LPP: variants seen among roughly 807,000 people sequenced by gnomAD.
LPP encodes the protein LIM domain containing preferred translocation partner in lipoma, also known as lipoma-preferred partner.
A neutral mutation model predicts 60.4 loss-of-function variants in LPP; 38 were observed. That is an observed-to-expected ratio of 0.63 (90% CI 0.49 to 0.83). The LOEUF (loss-of-function observed/expected upper bound fraction) is 0.83, where lower values mean the gene tolerates loss of function less well. Ranked by LOEUF, LPP falls within the 40% of genes least tolerant of loss-of-function variation. The probability of loss-of-function intolerance (pLI) is 0.00; values close to 1 mark genes in which losing one functional copy is unlikely to be tolerated. For missense variants in LPP, 902 were observed against 783.6 expected (o/e 1.15, Z -1.80); for synonymous variants, 328 against 290.8 (o/e 1.13, Z -1.30).
At chr3:188,533,500 G>C (rs1403199166) in intron 6 of LPP, among the ~76,000 whole-genome samples, 1 of 152,140 alleles carries the variant, frequency 6.6e-6, no homozygotes. Context: ...TATTCTCTTA[G>C]GAAAAATTTA....
intron 1 of LPP, among the ~76,000 whole-genome samples, chr3:188,167,893 G>T (rs975423288): frequency 7.9e-5 from 12 of 152,070 alleles, no homozygotes; most frequent in Non-Finnish European, 1.6e-4. Context: ...ACTTGCATTT[G>T]TCTTTGCTAA....
intron 7 of LPP, among the ~76,000 whole-genome samples, chr3:188,683,245 T>C (rs780861898): frequency 1.3e-5 from 2 of 151,926 alleles, no homozygotes; most frequent in Non-Finnish European, 2.9e-5. Flanking sequence ...TTCTCAAGTT[T>C]AGTTCTCTGA....
At chr3:188,210,664 G>T (rs1248066548) in intron 1 of LPP, among the ~76,000 whole-genome samples, 1 of 152,152 alleles carries the variant, frequency 6.6e-6, no homozygotes, top group Non-Finnish European at 1.5e-5. Flanking sequence ...AAGATGGAGG[G>T]TACGTTTAAA....
rs536843622 is a variant in LPP, at chr3:188,543,028, TCTGA to T, written c.429+18245_429+18248del. ...GATACTTTTCTTTTCATGCCTCAGG[TCTGA>T]CTGCTCTTTGCAATTCAGCCTGTTG... On this transcript the variant is annotated intron_variant, in intron 6 of 11. Transcript: ENST00000617246. Among the ~76,000 whole-genome samples, 234 of 152,318 alleles carry T rather than the reference TCTGA, an allele frequency of 1.5e-3. 11 individuals are homozygous for T. In the South Asian group the frequency reaches 0.048, roughly 31 times the overall value.
Position 188,390,569 on chromosome 3 carries a change from C to T in LPP, c.-9-15543C>T, listed in dbSNP as rs374310045. Reference sequence around the variant, plus strand: ...CCTGGAAGGCCCTGGCCTGCAGCCACTGCTGGACCGGGTGCCAGAACTGGG... The same window carrying T: ...CCTGGAAGGCCCTGGCCTGCAGCCATTGCTGGACCGGGTGCCAGAACTGGG... On this transcript the variant is annotated intron_variant, in intron 3 of 11. Coordinates refer to ENST00000617246, the MANE Select transcript of LPP (RefSeq NM_001375462.1). Among the ~76,000 whole-genome samples, 13 of 151,500 alleles carry T rather than the reference C, an allele frequency of 8.6e-5. No homozygotes were observed. The South Asian group carries it at 2.7e-3, about 32-fold the overall frequency.
At chr3:188,290,134 G>T (rs561379346) in intron 2 of LPP, among the ~76,000 whole-genome samples, 2 of 151,964 alleles carry the variant, frequency 1.3e-5, no homozygotes, top group Non-Finnish European at 2.9e-5. Flanking sequence ...CACCATGCCC[G>T]ACTAATTTAT....
At chr3:188,767,740 G>T (rs1284312587) in intron 9 of LPP, among the ~76,000 whole-genome samples, 1 of 152,128 alleles carries the variant, frequency 6.6e-6, no homozygotes, top group Non-Finnish European at 1.5e-5. Flanking sequence ...AAGTAGTGAT[G>T]ATGCTAACAC....
At chr3:188,585,964 A>G (rs745418021) in intron 6 of LPP, among the ~76,000 whole-genome samples, 2 of 152,212 alleles carry the variant, frequency 1.3e-5, no homozygotes, top group Non-Finnish European at 2.9e-5. Flanking sequence ...ATTTTGTAAT[A>G]AAAGATGGCA....
chr3:188,240,388 A>G, intron 2 of LPP, among the ~76,000 whole-genome samples: 1 of 151,176 alleles, frequency 6.6e-6, no homozygotes, highest in African/African-American at 2.4e-5. Flanking sequence ...AGAGAGAGAC[A>G]GAGAGAGAAA....
At chr3:188,165,644 C>A (rs754859968) in intron 1 of LPP, among the ~76,000 whole-genome samples, 17 of 152,100 alleles carry the variant, frequency 1.1e-4, no homozygotes, top group Non-Finnish European at 2.1e-4. Flanking sequence ...AAATAATCAG[C>A]TATAGTGTGC....
intron 6 of LPP, among the ~76,000 whole-genome samples, chr3:188,593,305 C>T (rs984755387): frequency 1.3e-5 from 2 of 150,058 alleles, no homozygotes; most frequent in African/African-American, 4.9e-5. Flanking sequence ...TTCACTCTTG[C>T]TCTCTCTCTC....
chr3:188,563,628 C>T (rs993369396), intron 6 of LPP, among the ~76,000 whole-genome samples: 2 of 151,522 alleles, frequency 1.3e-5, no homozygotes, highest in Admixed American at 1.3e-4. Flanking sequence ...TGGAGAGCTT[C>T]AGCTTTTCTT....
chr3:188,782,527 A>G (rs1047158007), intron 9 of LPP, among the ~76,000 whole-genome samples: 3 of 152,216 alleles, frequency 2.0e-5, no homozygotes, highest in Admixed American at 6.5e-5. Context: ...TGCCTAGCAC[A>G]GTATCTGCCT....
At chr3:188,841,138 A>G (rs575115368) in intron 9 of LPP, among the ~76,000 whole-genome samples, 3 of 152,184 alleles carry the variant, frequency 2.0e-5, no homozygotes, top group African/African-American at 7.2e-5. Context: ...GCGTGTGTTC[A>G]TGAGTCCTTG....
At chr3:188,441,690 G>T (rs564953621) in intron 4 of LPP, among the ~76,000 whole-genome samples, 1 of 126,852 alleles carries the variant, frequency 7.9e-6, no homozygotes, top group Non-Finnish European at 1.6e-5. Flanking sequence ...GTGTGATCTC[G>T]GCTCACTGCA....
chr3:188,698,720 G>C (rs926284678), intron 7 of LPP, among the ~76,000 whole-genome samples: 2 of 152,202 alleles, frequency 1.3e-5, no homozygotes, highest in African/African-American at 4.8e-5. Flanking sequence ...AGGCTGCTCT[G>C]CTCTAAATAG....
rs1409930499 is a variant in LPP, at chr3:188,879,272, C to T, written c.*4793C>T. 13 of 229,404 alleles carry T rather than the reference C, an allele frequency of 5.7e-5. No homozygotes were observed. Among genetic ancestry groups the T allele is most frequent in the Non-Finnish European group, 1.0e-4 (12 of 115,718 alleles). 14.2% of individuals were successfully genotyped at this position (229,404 alleles called of 1,614,324 possible). A position where few individuals can be genotyped will look rare whatever the true frequency, so the allele number is the denominator to read the frequency against. Reference sequence around the variant, plus strand: ...GCTTTCTTCCTCCCTTCCTTTCTTCCTCTTCCTTCCTCCTCTTCTTATTTT... The same window carrying T: ...GCTTTCTTCCTCCCTTCCTTTCTTCTTCTTCCTTCCTCCTCTTCTTATTTT... On this transcript the variant is annotated 3_prime_UTR_variant, in exon 12 of 12. Coordinates refer to ENST00000617246, the MANE Select transcript of LPP (RefSeq NM_001375462.1).
At chr3:188,270,108 A>G (rs543212358) in intron 2 of LPP, among the ~76,000 whole-genome samples, 1 of 152,268 alleles carries the variant, frequency 6.6e-6, no homozygotes, top group Non-Finnish European at 1.5e-5. Flanking sequence ...TGTTCGCAGG[A>G]AAGAGGTGGT....
intron 2 of LPP, among the ~76,000 whole-genome samples, chr3:188,260,715 T>A (rs1416984191): frequency 6.6e-6 from 1 of 152,012 alleles, no homozygotes; most frequent in Non-Finnish European, 1.5e-5. Flanking sequence ...CCAGATGAAA[T>A]CAGAGGAACC....
Sources: gnomAD v4.1 joint callset for allele counts (sites outside exome capture counted in the v4.1 genomes callset) on GRCh38, gnomAD v4.1.1 for gene constraint, MANE v1.5 for transcripts, NCBI Gene and HGNC (gene_info 2026-07-23, HGNC 2026-07-21) for gene names.